The following MDGA2 variants were observed in gnomAD, a reference collection of about 807,000 sequenced individuals.
MDGA2 encodes the protein MAM domain containing glycosylphosphatidylinositol anchor 2.
MDGA2 carries 40 observed loss-of-function variants against 117.8 expected under a neutral mutation model. The ratio of observed to expected loss-of-function variants is 0.34; its 90% CI spans 0.26 to 0.44. The LOEUF (loss-of-function observed/expected upper bound fraction) is 0.44. MDGA2 is among the 20% of genes least tolerant of loss of function. The probability of loss-of-function intolerance (pLI) is 1.00; values close to 1 mark genes in which losing one functional copy is unlikely to be tolerated. For synonymous variants in MDGA2, 452 were observed against 439.0 expected, an observed-to-expected ratio of 1.03 and a Z score of -0.37; for missense variants, 1,123 against 1,250.6, an observed-to-expected ratio of 0.90 and a Z score of 1.54.
chr14:47,637,507 G>A (rs1210418535), intron 1 of MDGA2, among the ~76,000 whole-genome samples: 1 of 152,116 alleles, frequency 6.6e-6, no homozygotes, highest in Non-Finnish European at 1.5e-5. Flanking sequence ...CAAAAATTTA[G>A]TTTTAAACAA....
chr14:47,382,910 T>C lies in MDGA2; in HGVS notation c.281-81360A>G, dbSNP rs190113090. Among the ~76,000 whole-genome samples, 22 of 152,308 alleles carry C rather than the reference T, an allele frequency of 1.4e-4. No individual in the cohort carries two copies. In the East Asian group the frequency reaches 3.9e-3, roughly 27 times the overall value. Reference sequence around the variant, plus strand: ...CTATAAAGACACATGCACATGTATGTTTATTGTGGCACTATTCACAACAAC... The same window carrying C: ...CTATAAAGACACATGCACATGTATGCTTATTGTGGCACTATTCACAACAAC... On this transcript the variant is annotated intron_variant, in intron 1 of 16. Transcript: ENST00000399232.
At chr14:47,521,177 T>C (rs1566496516) in intron 1 of MDGA2, among the ~76,000 whole-genome samples, 1 of 152,224 alleles carries the variant, frequency 6.6e-6, no homozygotes, top group Non-Finnish European at 1.5e-5. Flanking sequence ...CAGAGCATCT[T>C]AGTCATTGGT....
At chr14:46,942,349 T>C (rs1470063690) in intron 9 of MDGA2, among the ~76,000 whole-genome samples, 2 of 152,178 alleles carry the variant, frequency 1.3e-5, no homozygotes, top group African/African-American at 4.8e-5. Flanking sequence ...ACACTTCCTA[T>C]TCTGAAGCCT....
At chr14:47,609,428 CATAT>C (rs3040345) in intron 1 of MDGA2, among the ~76,000 whole-genome samples, 415 of 17,544 alleles carry the variant, frequency 0.024, 38 homozygotes, top group Admixed American at 0.036. Flanking sequence ...AGTATTCCAT[CATAT>C]ATATATATAT....
At chr14:47,098,988 A>C (rs1043434889) in intron 5 of MDGA2, among the ~76,000 whole-genome samples, 1 of 151,960 alleles carries the variant, frequency 6.6e-6, no homozygotes. Context: ...TTCTAACTAT[A>C]ATACATTTTA....
At chr14:47,291,493 C>T (rs1233778398) in intron 2 of MDGA2, among the ~76,000 whole-genome samples, 2 of 152,174 alleles carry the variant, frequency 1.3e-5, no homozygotes, top group African/African-American at 4.8e-5. Context: ...CCCAACGCAA[C>T]TTGAAAATAT....
intron 14 of MDGA2, among the ~76,000 whole-genome samples, chr14:46,862,238 TC>T (rs1881539265): frequency 6.6e-6 from 1 of 151,748 alleles, no homozygotes; most frequent in African/African-American, 2.4e-5. Context: ...GTCACCACTC[TC>T]CAAAAATCAG....
At chr14:47,164,608 G>T (rs1265277767) in intron 3 of MDGA2, among the ~76,000 whole-genome samples, 9 of 152,184 alleles carry the variant, frequency 5.9e-5, no homozygotes, top group Non-Finnish European at 1.0e-4. Context: ...AACAACAGGT[G>T]TTGGAGAGGA....
At chr14:46,852,390 A>G (rs939086079) in intron 15 of MDGA2, among the ~76,000 whole-genome samples, 2 of 151,738 alleles carry the variant, frequency 1.3e-5, no homozygotes, top group African/African-American at 2.4e-5. Context: ...AAGTAGAGGA[A>G]AAGAAGGTGA....
chr14:47,662,442 G>A (rs1897868351), intron 1 of MDGA2, among the ~76,000 whole-genome samples: 1 of 152,166 alleles, frequency 6.6e-6, no homozygotes, highest in Non-Finnish European at 1.5e-5. Context: ...CTCTCTGGAA[G>A]AGGGAAGGTG....
chr14:47,365,481 C>T (rs1305514688), intron 1 of MDGA2, among the ~76,000 whole-genome samples: 1 of 152,254 alleles, frequency 6.6e-6, no homozygotes, highest in Non-Finnish European at 1.5e-5. Flanking sequence ...CATTGCCATT[C>T]GTAAGCTACT....
chr14:47,297,970 G>A (rs556154773), intron 2 of MDGA2, among the ~76,000 whole-genome samples: 1 of 152,180 alleles, frequency 6.6e-6, no homozygotes, highest in South Asian at 2.1e-4. Flanking sequence ...TACCAAGAAT[G>A]TATAGTTGTA....
At chr14:47,188,810 CA>C (rs981495818) in intron 3 of MDGA2, among the ~76,000 whole-genome samples, 30 of 152,004 alleles carry the variant, frequency 2.0e-4, no homozygotes, top group African/African-American at 6.5e-4. Context: ...GCAAAGAGAT[CA>C]AAAAAATCCT....
Position 47,509,088 on chromosome 14 carries a change from A to C in MDGA2, c.280+165429T>G, listed in dbSNP as rs1050298149. Among the ~76,000 whole-genome samples the C allele has an allele frequency of 3.9e-5, 6 of 152,300 alleles. No individual in the cohort carries two copies. In the East Asian group the frequency reaches 1.2e-3, roughly 29 times the overall value. On this transcript the variant is annotated intron_variant, in intron 1 of 16. Coordinates refer to ENST00000399232, the MANE Select transcript of MDGA2 (RefSeq NM_001113498.3). ...GAAAGTTGGGTTACTCAACGTTCAC[A>C]CACTTCACACACACAAGAGAACATG...
intron 1 of MDGA2, among the ~76,000 whole-genome samples, chr14:47,622,043 G>A (rs1484967809): frequency 6.6e-6 from 1 of 152,116 alleles, no homozygotes; most frequent in Non-Finnish European, 1.5e-5. Context: ...ATTCATATGA[G>A]CTATTATAAC....
chr14:47,580,914 T>A (rs1314134723), intron 1 of MDGA2, among the ~76,000 whole-genome samples: 2 of 152,028 alleles, frequency 1.3e-5, no homozygotes, highest in African/African-American at 2.4e-5. Context: ...GTTGGCTGGC[T>A]TACCAGATTT....
At chr14:47,364,842 G>T (rs1891197865) in intron 1 of MDGA2, among the ~76,000 whole-genome samples, 1 of 152,180 alleles carries the variant, frequency 6.6e-6, no homozygotes, top group Non-Finnish European at 1.5e-5. Context: ...TTGAAGCTTA[G>T]AGTTCATTTT....
chr14:46,887,670 A>G (rs536620369), intron 10 of MDGA2, among the ~76,000 whole-genome samples: 157 of 152,070 alleles, frequency 1.0e-3, no homozygotes, highest in African/African-American at 3.6e-3. Context: ...AAGCATGCAT[A>G]GTTAATACTA....
intron 3 of MDGA2, among the ~76,000 whole-genome samples, chr14:47,149,659 T>C (rs531726104): frequency 1.3e-5 from 2 of 152,328 alleles, no homozygotes; most frequent in Admixed American, 1.3e-4. Context: ...GCACAGCAGT[T>C]TGGGCATTTA....
Sources: allele counts gnomAD v4.1 joint callset (sites outside exome capture counted in the v4.1 genomes callset), GRCh38; gene constraint gnomAD v4.1.1; transcripts MANE v1.5; gene names NCBI Gene and HGNC (gene_info 2026-07-23, HGNC 2026-07-21).